The following NDUFB4 variants were observed in gnomAD, a reference collection of about 807,000 sequenced individuals.
The protein encoded by NDUFB4 is NADH:ubiquinone oxidoreductase subunit B4.
NDUFB4 carries 10 observed loss-of-function variants against 14.5 expected under a neutral mutation model. The ratio of observed to expected loss-of-function variants is 0.69; its 90% CI spans 0.43 to 1.17. The LOEUF is 1.17. NDUFB4 is among the 50% of genes most tolerant of loss of function. The pLI, the probability that NDUFB4 is intolerant of heterozygous loss-of-function variation, is 0.00. For missense variants in NDUFB4, 165 were observed against 161.1 expected (o/e 1.02, Z -0.13); for synonymous variants, 65 against 63.4 (o/e 1.03, Z -0.12).
At chr3:120,598,754 G>A (rs936709711) in intron 1 of NDUFB4, among the ~76,000 whole-genome samples, 2 of 152,130 alleles carry the variant, frequency 1.3e-5, no homozygotes, top group African/African-American at 2.4e-5. Flanking sequence ...GGGCCATTAG[G>A]CAGGAGAGTG....
At chr3:120,598,815 A>G (rs191111874) in intron 1 of NDUFB4, among the ~76,000 whole-genome samples, 1 of 152,124 alleles carries the variant, frequency 6.6e-6, no homozygotes, top group Non-Finnish European at 1.5e-5. Flanking sequence ...AAAGTGGAGA[A>G]AGGTGAGGGC....
intron 1 of NDUFB4, 155 bp from the exon 2 acceptor site, chr3:120,600,956 A>T: frequency 9.7e-6 from 6 of 617,710 alleles, no homozygotes; most frequent in Non-Finnish European, 1.4e-5. Flanking sequence ...GAAATGAAAG[A>T]TCTTTCCTGA....
intron 1 of NDUFB4, among the ~76,000 whole-genome samples, chr3:120,598,321 T>C (rs1013242966): frequency 3.3e-5 from 5 of 152,248 alleles, no homozygotes; most frequent in Admixed American, 1.3e-4. Context: ...CTCAGAGTGC[T>C]GGGATTACAG....
chr3:120,601,167 T>C lies in NDUFB4; in HGVS notation c.237T>C (p.Asn79=), dbSNP rs374218139. ...AYARTINVYP[N]FRPTPKNSLM... ...CAAGAACAATAAATGTCTATCCTAA[T>C]TTCAGACCCACTCCTAAAAACTCAC... is the stretch of plus-strand genomic sequence containing the variant. Residue 79 remains asparagine, a synonymous_variant, in exon 2 of 3, where the codon AAT becomes AAC. Transcript: ENST00000184266. 5.0e-6 allele frequency: 8 copies of C among 1,614,026 alleles called. No individual in the cohort carries two copies. The African/African-American group carries it at 8.0e-5, about 16-fold the overall frequency.
rs1359330583 is a variant in NDUFB4, at chr3:120,602,024, A to C, written c.328-184A>C. 3 of 1,344,396 alleles carry C rather than the reference A, an allele frequency of 2.2e-6. No individual in the cohort carries two copies. In the East Asian group the frequency reaches 8.7e-5, roughly 39 times the overall value. 83.3% of individuals were successfully genotyped at this position (1,344,396 alleles called of 1,614,324 possible). On this transcript the variant is annotated intron_variant, in intron 2 of 2. Transcript: ENST00000184266. ...TCCTCGGATTACTGTTTCTTCGCAC[A>C]CTCCCTGGGCTTTAGACAGTGGGAT...
At chr3:120,597,692 T>C (rs1413626117) in intron 1 of NDUFB4, among the ~76,000 whole-genome samples, 1 of 152,226 alleles carries the variant, frequency 6.6e-6, no homozygotes, top group African/African-American at 2.4e-5. Flanking sequence ...TAGTAGGTGA[T>C]AGAGCAAAAT....
Position 120,601,620 on chromosome 3 carries a change from A to G in NDUFB4, c.327+363A>G, listed in dbSNP as rs956725788. 9 of 1,057,082 alleles carry G rather than the reference A, an allele frequency of 8.5e-6. No individual in the cohort carries two copies. The African/African-American group carries it at 1.4e-4, about 16-fold the overall frequency. 65.5% of individuals were successfully genotyped at this position (1,057,082 alleles called of 1,614,324 possible). On this transcript the variant is annotated intron_variant, in intron 2 of 2. Transcript: ENST00000184266. ...ACCTATTAATACTCTACGGACAGAG[A>G]AGCACAAGCTGCCTGTGTGGGGAAT...
intron 1 of NDUFB4, 48 bp downstream of exon 1, chr3:120,596,587 A>T: frequency 6.3e-7 from 1 of 1,575,138 alleles, no homozygotes; most frequent in Non-Finnish European, 8.7e-7. Context: ...GTCCTGGGAG[A>T]GACCGAGAGA....
chr3:120,596,720 T>A, intron 1 of NDUFB4, 181 bp downstream of exon 1: 1 of 660,318 alleles, frequency 1.5e-6, no homozygotes, highest in Non-Finnish European at 2.6e-6. Flanking sequence ...GGACCGGCTC[T>A]GGACTCAGAC....
intron 2 of NDUFB4, chr3:120,601,515 G>A: frequency 7.5e-7 from 1 of 1,331,216 alleles, no homozygotes; most frequent in Admixed American, 3.7e-5. Context: ...AGTATTAGCA[G>A]AATACATAAA....
At chr3:120,597,947 A>G (rs372837398) in intron 1 of NDUFB4, among the ~76,000 whole-genome samples, 1 of 152,108 alleles carries the variant, frequency 6.6e-6, no homozygotes, top group Middle Eastern at 3.2e-3. Context: ...CAATTTTCTC[A>G]TGTGTAAATA....
At position 120,600,127 on chromosome 3, in the gene NDUFB4, T is replaced by G. The variant is rs552901121; in HGVS notation, c.181-984T>G. Among the ~76,000 whole-genome samples the G allele has an allele frequency of 1.4e-3, 208 of 147,958 alleles. 6 individuals carry two copies. The highest frequency in any genetic ancestry group is 1.8e-3 in the African/African-American group (73 of 40,986). On this transcript the variant is annotated intron_variant, in intron 1 of 2. Transcript: ENST00000184266. ...TCATAAGGTTTTTTTTTTTGTTTTTTTTTTTTTTTAAACTTCTGAGCTGCA... is the reference window on the plus strand; with the variant it reads ...TCATAAGGTTTTTTTTTTTGTTTTTGTTTTTTTTTAAACTTCTGAGCTGCA...
At chr3:120,598,665 A>C (rs1940007349) in intron 1 of NDUFB4, among the ~76,000 whole-genome samples, 1 of 152,096 alleles carries the variant, frequency 6.6e-6, no homozygotes, top group African/African-American at 2.4e-5. Context: ...TGACATCTGA[A>C]TAAAGATCTG....
intron 1 of NDUFB4, among the ~76,000 whole-genome samples, chr3:120,597,837 A>C (rs550082949): frequency 3.3e-5 from 5 of 152,202 alleles, no homozygotes; most frequent in African/African-American, 9.6e-5. Flanking sequence ...ATTGGGTTTG[A>C]TGTGTTAGTG....
intron 1 of NDUFB4, among the ~76,000 whole-genome samples, chr3:120,598,347 C>G (rs769657104): frequency 5.3e-5 from 8 of 152,074 alleles, no homozygotes; most frequent in Non-Finnish European, 1.0e-4. Flanking sequence ...AGCCACTGTG[C>G]CTGGCCATCT....
chr3:120,601,616 A>G, intron 2 of NDUFB4: 1 of 1,062,088 alleles, frequency 9.4e-7, no homozygotes, highest in Non-Finnish European at 1.1e-6. Flanking sequence ...CTCTACGGAC[A>G]GAGAAGCACA....
chr3:120,596,921 G>A (rs1939966921), intron 1 of NDUFB4, among the ~76,000 whole-genome samples: 1 of 148,790 alleles, frequency 6.7e-6, no homozygotes, highest in Non-Finnish European at 1.5e-5. Flanking sequence ...TTCGTAAGGC[G>A]TGTTCAGAAA....
chr3:120,598,177 CAAGTAGCTGGGACCACAG>C (rs1256664689), intron 1 of NDUFB4, among the ~76,000 whole-genome samples: 6 of 151,906 alleles, frequency 3.9e-5, no homozygotes, highest in African/African-American at 1.5e-4. Flanking sequence ...CTCCGCCTTC[CAAGTAGCTGGGACCACAG>C]ATGTGCGCTA....
Position 120,601,176 on chromosome 3 carries a change from C to T in NDUFB4, c.246C>T (p.Pro82=). The T allele has an allele frequency of 6.2e-7, 1 of 1,614,090 alleles. No homozygotes were observed. Among genetic ancestry groups the T allele is most frequent in the Non-Finnish European group, 8.5e-7 (1 of 1,179,990 alleles). The change falls in exon 2 of 3, where the codon CCC becomes CCT. Residue 82 remains proline (P), a synonymous_variant. Transcript: ENST00000184266. ...TAAATGTCTATCCTAATTTCAGACC[C>T]ACTCCTAAAAACTCACTCATGGGAG... ...RTINVYPNFR[P]TPKNSLMGAL...
Sources: allele counts gnomAD v4.1 joint callset (sites outside exome capture counted in the v4.1 genomes callset), GRCh38; gene constraint gnomAD v4.1.1; transcripts MANE v1.5; gene names NCBI Gene and HGNC (gene_info 2026-07-23, HGNC 2026-07-21).